The following AASS variants were observed in gnomAD, a reference collection of about 807,000 sequenced individuals.
The protein encoded by AASS is alpha-aminoadipic semialdehyde synthase, mitochondrial.
A neutral mutation model predicts 105.4 loss-of-function variants in AASS; 86 were observed. The observed-to-expected ratio is 0.82, with a 90% CI of 0.69 to 0.98. AASS has a LOEUF of 0.98. AASS is among the 50% of genes least tolerant of loss of function. The pLI, the probability that AASS is intolerant of heterozygous loss-of-function variation, is 0.00. For missense variants in AASS, 1,048 were observed against 1,143.2 expected (o/e 0.92, Z 1.20); for synonymous variants, 381 against 394.8 (o/e 0.96, Z 0.41).
At chr7:122,129,612 CA>C (rs1435019522) in intron 2 of AASS, 75 bp from the exon 3 acceptor site, 1 of 1,334,830 alleles carries the variant, frequency 7.5e-7, no homozygotes, top group Non-Finnish European at 1.1e-6. Flanking sequence ...AAATGTGTAG[CA>C]AAGGCACAAC....
intron 21 of AASS, 100 bp downstream of exon 21, chr7:122,079,497 T>C: frequency 8.9e-7 from 1 of 1,119,182 alleles, no homozygotes; most frequent in South Asian, 1.3e-5. Flanking sequence ...GAGCAACGAA[T>C]TAATCAAAGA....
At chr7:122,125,809 A>C (rs1584887885) in intron 4 of AASS, among the ~76,000 whole-genome samples, 1 of 152,274 alleles carries the variant, frequency 6.6e-6, no homozygotes, top group African/African-American at 2.4e-5. Flanking sequence ...ATTCCTAATT[A>C]AATGGGGACG....
At chr7:122,100,856 CT>C (rs1794391616) in intron 13 of AASS, among the ~76,000 whole-genome samples, 2 of 151,842 alleles carry the variant, frequency 1.3e-5, no homozygotes, top group South Asian at 2.1e-4. Context: ...CACCTTCCCC[CT>C]AATAAGAATC....
At chr7:122,133,920 A>G (rs1796027717) in intron 1 of AASS, 179 bp from the exon 2 acceptor site, 1 of 630,684 alleles carries the variant, frequency 1.6e-6, no homozygotes, top group East Asian at 2.8e-5. Flanking sequence ...AGTTTTCAAA[A>G]ACAAGATTAT....
At chr7:122,109,043 A>G (rs1794808870) in intron 11 of AASS, among the ~76,000 whole-genome samples, 1 of 152,062 alleles carries the variant, frequency 6.6e-6, no homozygotes, top group East Asian at 1.9e-4. Context: ...CCCATTTCCA[A>G]TAGCCACAGC....
chr7:122,114,903 TA>T (rs111846129), intron 9 of AASS, among the ~76,000 whole-genome samples, 170 bp downstream of exon 9: 26 of 148,400 alleles, frequency 1.8e-4, no homozygotes, highest in Admixed American at 6.0e-4. Context: ...AATAAAATTT[TA>T]AAAAAAAAAG....
At chr7:122,122,317 G>GA (rs535772258) in intron 4 of AASS, among the ~76,000 whole-genome samples, 69 of 149,360 alleles carry the variant, frequency 4.6e-4, no homozygotes, top group Non-Finnish European at 7.9e-4. Flanking sequence ...AAAAGACTGA[G>GA]AAAAAAAAAC....
chr7:122,096,375 G>A (rs1356721312), intron 15 of AASS, among the ~76,000 whole-genome samples: 1 of 152,096 alleles, frequency 6.6e-6, no homozygotes, highest in East Asian at 1.9e-4. Flanking sequence ...GCTTATGCCT[G>A]TAATCCTGAC....
intron 6 of AASS, among the ~76,000 whole-genome samples, 191 bp downstream of exon 6, chr7:122,118,110 CACACAT>C (rs1426185410): frequency 1.3e-5 from 2 of 152,052 alleles, no homozygotes; most frequent in South Asian, 2.1e-4. Flanking sequence ...TATATATACA[CACACAT>C]ACACATACAC....
At chr7:122,122,243 A>G (rs1339317464) in intron 4 of AASS, among the ~76,000 whole-genome samples, 5 of 152,046 alleles carry the variant, frequency 3.3e-5, no homozygotes, top group Non-Finnish European at 1.5e-5. Flanking sequence ...TCCGGTCATG[A>G]TTTCTTTACT....
intron 15 of AASS, among the ~76,000 whole-genome samples, chr7:122,094,264 A>C (rs1369264200): frequency 6.6e-6 from 1 of 152,148 alleles, no homozygotes; most frequent in African/African-American, 2.4e-5. Context: ...AAGTAAAATA[A>C]ATAAATATTC....
At chr7:122,123,196 T>A (rs1352125599) in intron 4 of AASS, among the ~76,000 whole-genome samples, 2 of 152,192 alleles carry the variant, frequency 1.3e-5, no homozygotes, top group African/African-American at 4.8e-5. Flanking sequence ...GAACACCATT[T>A]CTGCATAGCT....
intron 2 of AASS, among the ~76,000 whole-genome samples, chr7:122,129,859 C>G (rs1328200591): frequency 6.6e-6 from 1 of 152,110 alleles, no homozygotes; most frequent in Non-Finnish European, 1.5e-5. Flanking sequence ...TTTGTACCAA[C>G]AGTACACTGA....
At chr7:122,097,888 C>T (rs974988150) in intron 15 of AASS, among the ~76,000 whole-genome samples, 3 of 151,714 alleles carry the variant, frequency 2.0e-5, no homozygotes, top group Admixed American at 6.6e-5. Flanking sequence ...AGACAAATAC[C>T]GAAATGTGTA....
At chr7:122,112,528 T>C (rs186900340) in intron 11 of AASS, among the ~76,000 whole-genome samples, 24 of 152,296 alleles carry the variant, frequency 1.6e-4, no homozygotes, top group Admixed American at 1.3e-3. Context: ...ATTGGAATCA[T>C]TGGCAGAGGC....
intron 18 of AASS, among the ~76,000 whole-genome samples, chr7:122,089,620 C>T (rs1793799953): frequency 6.6e-6 from 1 of 152,172 alleles, no homozygotes; most frequent in African/African-American, 2.4e-5. Context: ...ACATGGCTGA[C>T]AATCTGCTGT....
chr7:122,121,370 T>A (rs138319532), intron 4 of AASS, among the ~76,000 whole-genome samples: 2 of 152,336 alleles, frequency 1.3e-5, no homozygotes, highest in African/African-American at 4.8e-5. Context: ...ATTGTTTCAT[T>A]TGAAACTATC....
intron 10 of AASS, 61 bp from the exon 11 acceptor site, chr7:122,113,290 T>C (rs1795018694): frequency 7.1e-7 from 1 of 1,401,378 alleles, no homozygotes; most frequent in African/African-American, 1.4e-5. Context: ...TTCTGACTTT[T>C]CCAGATGTCT....
At chr7:122,134,974 G>C (rs1388861874) in intron 1 of AASS, among the ~76,000 whole-genome samples, 1 of 152,116 alleles carries the variant, frequency 6.6e-6, no homozygotes, top group East Asian at 1.9e-4. Flanking sequence ...GTCCTTTGTA[G>C]GGACATGGAT....
Sources: allele counts gnomAD v4.1 joint callset (sites outside exome capture counted in the v4.1 genomes callset), GRCh38; gene constraint gnomAD v4.1.1; transcripts MANE v1.5; gene names NCBI Gene and HGNC (gene_info 2026-07-23, HGNC 2026-07-21).